Variants in FBXO7 observed in about 807,000 individuals in gnomAD.
FBXO7 encodes the protein F-box protein 7.
In FBXO7, 31 loss-of-function variants were observed where a neutral mutation model predicts 50.2. The ratio of observed to expected loss-of-function variants is 0.62; its 90% CI spans 0.46 to 0.83. The LOEUF (loss-of-function observed/expected upper bound fraction) is 0.83. Among genes scored for constraint, FBXO7 ranks in the 40% least tolerant of loss-of-function variants. The probability of loss-of-function intolerance (pLI) is 0.00; values close to 1 mark genes in which losing one functional copy is unlikely to be tolerated. For missense variants in FBXO7, 667 were observed against 646.6 expected (o/e 1.03, Z -0.34); for synonymous variants, 256 against 253.1 (o/e 1.01, Z -0.11).
intron 5 of FBXO7, 180 bp downstream of exon 5, chr22:32,488,008 T>C: frequency 5.3e-6 from 3 of 568,148 alleles, no homozygotes; most frequent in Non-Finnish European, 9.5e-6. Context: ...TGCTTATAAT[T>C]TGAGGAGTTT....
chr22:32,497,259 AG>A (rs1568980732), intron 8 of FBXO7, among the ~76,000 whole-genome samples: 1 of 152,206 alleles, frequency 6.6e-6, no homozygotes, highest in Non-Finnish European at 1.5e-5. Context: ...CCGTCACCCA[AG>A]CAGTGTACAA....
At chr22:32,479,884 G>C (rs715542) in intron 2 of FBXO7, among the ~76,000 whole-genome samples, 3 of 151,814 alleles carry the variant, frequency 2.0e-5, no homozygotes, top group Admixed American at 1.3e-4. Flanking sequence ...GATCTGGTCC[G>C]CTCATTAAGG....
chr22:32,487,856 G>A, intron 5 of FBXO7, 28 bp downstream of exon 5: 2 of 1,390,162 alleles, frequency 1.4e-6, no homozygotes, highest in Non-Finnish European at 2.0e-6. Flanking sequence ...TAACTTTTGG[G>A]GTGAAACTCT....
chr22:32,486,637 T>TA (rs1336243707), intron 4 of FBXO7, among the ~76,000 whole-genome samples: 1 of 152,204 alleles, frequency 6.6e-6, no homozygotes, highest in South Asian at 2.1e-4. Flanking sequence ...CCTGGCCTCT[T>TA]ACGAAATTTC....
chr22:32,491,788 T>A (rs2057539071), intron 6 of FBXO7: 1 of 152,066 alleles, frequency 6.6e-6, no homozygotes, highest in Admixed American at 6.6e-5. Flanking sequence ...GATGAAATCA[T>A]AATTCAATAA....
chr22:32,497,001 A>G (rs758856851), intron 8 of FBXO7, among the ~76,000 whole-genome samples: 3 of 152,194 alleles, frequency 2.0e-5, no homozygotes, highest in Non-Finnish European at 4.4e-5. Flanking sequence ...GGGGTTCAAG[A>G]CTTCAGTGGA....
At position 32,494,830 on chromosome 22, in the gene FBXO7, C is replaced by G. The variant is rs552090917; in HGVS notation, c.1145-663C>G. On this transcript the variant is annotated intron_variant, in intron 7 of 8. Transcript: ENST00000266087. ...TTACGGAGCTAGAGCTTTTATAAAT[C>G]TTACTTCCATGCTAATGTAGTAACT... 2.0e-5 allele frequency among the ~76,000 whole-genome samples: 3 copies of G among 152,288 alleles called. No homozygotes were observed. The East Asian group carries it at 5.8e-4, about 29-fold the overall frequency.
At position 32,493,299 on chromosome 22, in the gene FBXO7, A is replaced by G; in HGVS notation, c.1144+18A>G. On this transcript the variant is annotated intron_variant, in intron 7 of 8. Transcript: ENST00000266087. The stretch of plus-strand genomic sequence containing the variant: ...TTTTCGAGGTGATTTCCGTAATGAC[A>G]TATTCACAAGAAAGGGCTCTTATTG... The G allele has an allele frequency of 1.2e-6, 2 of 1,609,662 alleles. No individual in the cohort carries two copies. Among genetic ancestry groups the G allele is most frequent in the Non-Finnish European group, 1.7e-6 (2 of 1,175,978 alleles).
rs762185670 is a variant in FBXO7, at chr22:32,493,107, C to T, written c.970C>T (p.Leu324=). 7 of 1,613,980 alleles carry T rather than the reference C, an allele frequency of 4.3e-6. No individual in the cohort carries two copies. Among genetic ancestry groups the T allele is most frequent in the Non-Finnish European group, 5.9e-6 (7 of 1,179,956 alleles). The change falls in exon 7 of 9, where the codon CTG becomes TTG. Residue 324 remains leucine, a splice_region_variant and synonymous_variant. Coordinates refer to ENST00000266087, the MANE Select transcript of FBXO7 (RefSeq NM_012179.4). ...TACTTCTCTTTTTTTCCTTTTAGCA[C>T]TGAACCTACCAGATGTATTTGGGTT... ...YPLLAFTRQA[L]NLPDVFGLVV...
intron 3 of FBXO7, among the ~76,000 whole-genome samples, chr22:32,484,744 T>C (rs1403341502): frequency 1.3e-5 from 2 of 152,186 alleles, no homozygotes; most frequent in Non-Finnish European, 2.9e-5. Context: ...GGAAGTGATA[T>C]TTGAGCCGGA....
In FBXO7 at chr22:32,492,986, G is replaced by A. The variant is rs949938606; in HGVS notation, c.968-119G>A. 5 of 958,472 alleles carry A rather than the reference G, an allele frequency of 5.2e-6. No individual in the cohort carries two copies. In the African/African-American group the frequency reaches 8.0e-5, roughly 15 times the overall value. The allele number at this position is 958,472 out of a possible 1,614,324, so 59.4% of individuals were successfully genotyped here. ...GATGCATACTTGGGGATAATTAAGAGTACCATCTAATTTTCTGTCACTTTA... is the reference window on the plus strand; with the variant it reads ...GATGCATACTTGGGGATAATTAAGAATACCATCTAATTTTCTGTCACTTTA... On this transcript the variant is annotated intron_variant, in intron 6 of 8. Coordinates refer to ENST00000266087, the MANE Select transcript of FBXO7 (RefSeq NM_012179.4).
chr22:32,491,588 GAC>G (rs2057536638), intron 6 of FBXO7: 1 of 84,180 alleles, frequency 1.2e-5, no homozygotes, highest in African/African-American at 5.4e-5. Context: ...TGTCTATATA[GAC>G]ATATATTTAG....
intron 5 of FBXO7, chr22:32,489,473 T>A (rs1341891931): frequency 6.6e-6 from 1 of 152,176 alleles, no homozygotes; most frequent in Non-Finnish European, 1.5e-5. Context: ...AGAAACACTC[T>A]ACACTTTACA....
chr22:32,479,192 C>A lies in FBXO7; in HGVS notation c.334C>A (p.Gln112Lys). 6.2e-7 allele frequency: 1 copy of A among 1,614,102 alleles called. No homozygotes were observed. The highest frequency in any genetic ancestry group is 2.2e-5 in the East Asian group (1 of 44,862). ...ACCCTCTTTGGCCACCAGCTCCAAT[C>A]AGACTAGCATGCAGGATGAACAACC... ...EQPSLATSSN[Q>K]TSMQDEQPSD... Residue 112 changes from glutamine to lysine, a missense_variant, in exon 2 of 9, where the codon CAG (glutamine) becomes AAG (lysine). Transcript: ENST00000266087.
rs1460134569 is a variant in FBXO7 at position 32,487,800 on chromosome 22, A to G, written c.843A>G (p.Pro281=). 6.2e-7 allele frequency: 1 copy of G among 1,609,502 alleles called. No homozygotes were observed. Among genetic ancestry groups the G allele is most frequent in the Non-Finnish European group, 8.5e-7 (1 of 1,176,346 alleles). Residue 281 remains proline (P), a synonymous_variant, in exon 5 of 9, where the codon CCA becomes CCG. Transcript: ENST00000266087. The part of the protein sequence containing the change: ...IRSVKRLQLL[P]ESFICKEKLG... Reference sequence around the variant, plus strand: ...GTGTGAAAAGATTGCAGCTGCTACCAGAATCTTTTATTTGCAAAGAGAAAC... The same window carrying G: ...GTGTGAAAAGATTGCAGCTGCTACCGGAATCTTTTATTTGCAAAGAGAAAC...
At chr22:32,490,684 C>T (rs1319447284) in intron 5 of FBXO7, 4 of 182,542 alleles carry the variant, frequency 2.2e-5, no homozygotes. Flanking sequence ...GGTGCTGATA[C>T]ATAGTCATCA....
chr22:32,492,188 T>TA (rs1177665078), intron 6 of FBXO7: 1 of 152,212 alleles, frequency 6.6e-6, no homozygotes. Flanking sequence ...TAGTTTGACT[T>TA]ATATGAATAG....
intron 1 of FBXO7, chr22:32,475,352 C>A (rs542465300): frequency 3.8e-5 from 61 of 1,608,950 alleles, no homozygotes; most frequent in Non-Finnish European, 4.7e-5. Flanking sequence ...GGGTCCGGCT[C>A]CTGGAGAACA....
Position 32,495,498 on chromosome 22 carries a change from A to G in FBXO7, c.1150A>G (p.Thr384Ala), listed in dbSNP as rs2057568283. The change falls in exon 8 of 9, where the codon ACT (threonine) becomes GCT (alanine). Residue 384 changes from threonine to alanine, a missense_variant. By Grantham distance (58) the Thr-to-Ala change is moderately conservative. Coordinates refer to ENST00000266087, the MANE Select transcript of FBXO7 (RefSeq NM_012179.4). Reference sequence around the variant, plus strand: ...TTTTCCCTTTTCCTTTGTAGACAATACTGTCAGAGTTCAAGACACAGATTG... The same window carrying G: ...TTTTCCCTTTTCCTTTGTAGACAATGCTGTCAGAGTTCAAGACACAGATTG... Reference protein sequence around the residue: ...FLYLRDFRDNTVRVQDTDWKE... With the variant: ...FLYLRDFRDNAVRVQDTDWKE... 2 of 1,575,018 alleles carry G rather than the reference A, an allele frequency of 1.3e-6. No individual in the cohort carries two copies. Among genetic ancestry groups the G allele is most frequent in the African/African-American group, 1.3e-5 (1 of 74,090 alleles).
Sources: allele counts gnomAD v4.1 joint callset (sites outside exome capture counted in the v4.1 genomes callset), GRCh38; gene constraint gnomAD v4.1.1; transcripts MANE v1.5; gene names NCBI Gene and HGNC (gene_info 2026-07-23, HGNC 2026-07-21).